ZMPSTE24: variants seen among roughly 807,000 people sequenced by gnomAD.
The protein encoded by ZMPSTE24 is zinc metallopeptidase STE24.
ZMPSTE24 carries 48 observed loss-of-function variants against 56.7 expected under a neutral mutation model. That is an observed-to-expected ratio of 0.85 (90% CI 0.67 to 1.08). ZMPSTE24 has a LOEUF of 1.08. ZMPSTE24 is among the 50% of genes least tolerant of loss of function. The pLI, the probability that ZMPSTE24 is intolerant of heterozygous loss-of-function variation, is 0.00. For missense variants in ZMPSTE24, 503 were observed against 548.7 expected, an observed-to-expected ratio of 0.92 and a Z score of 0.83; for synonymous variants, 172 against 195.2, an observed-to-expected ratio of 0.88 and a Z score of 0.99.
intron 1 of ZMPSTE24, among the ~76,000 whole-genome samples, chr1:40,258,822 G>A (rs1046181136): frequency 2.0e-5 from 3 of 151,940 alleles, no homozygotes; most frequent in Non-Finnish European, 4.4e-5. Flanking sequence ...TCTCCTTAAA[G>A]TGCATATATT....
At chr1:40,268,700 C>T (rs530018899) in intron 4 of ZMPSTE24, among the ~76,000 whole-genome samples, 165 bp downstream of exon 4, 4 of 152,192 alleles carry the variant, frequency 2.6e-5, no homozygotes, top group South Asian at 2.1e-4. Flanking sequence ...TTGGGGGCCG[C>T]GGTGGCTCTG....
intron 6 of ZMPSTE24, among the ~76,000 whole-genome samples, chr1:40,273,531 AAAAAAAAT>A (rs1643633530): frequency 1.6e-5 from 1 of 63,918 alleles, no homozygotes; most frequent in African/African-American, 9.1e-5. Flanking sequence ...AAAAAAAAAA[AAAAAAAAT>A]ATATATATAT....
intron 9 of ZMPSTE24, among the ~76,000 whole-genome samples, chr1:40,291,555 C>T (rs1014305128): frequency 6.6e-6 from 1 of 152,178 alleles, no homozygotes; most frequent in African/African-American, 2.4e-5. Flanking sequence ...TAATGTGAGA[C>T]TATATAACAA....
At chr1:40,288,337 G>A (rs549499120) in intron 8 of ZMPSTE24, among the ~76,000 whole-genome samples, 7 of 152,260 alleles carry the variant, frequency 4.6e-5, no homozygotes, top group Admixed American at 3.9e-4. Context: ...GATTAAATAA[G>A]TCCAGGTCCA....
chr1:40,259,261 A>G (rs1353157905), intron 1 of ZMPSTE24: 1 of 152,232 alleles, frequency 6.6e-6, no homozygotes, highest in African/African-American at 2.4e-5. Flanking sequence ...AAAAAGTGAA[A>G]GTTAACAATT....
intron 7 of ZMPSTE24, among the ~76,000 whole-genome samples, chr1:40,283,213 T>A (rs1643747515): frequency 6.6e-6 from 1 of 152,166 alleles, no homozygotes; most frequent in Non-Finnish European, 1.5e-5. Flanking sequence ...AGAAAGTTAA[T>A]CTGCTTATGG....
chr1:40,284,303 A>G (rs1320353012), intron 7 of ZMPSTE24, among the ~76,000 whole-genome samples: 2 of 151,512 alleles, frequency 1.3e-5, no homozygotes, highest in African/African-American at 4.9e-5. Flanking sequence ...AATTTACAGC[A>G]TTTCGTTACT....
chr1:40,266,677 TTCACAGAAAAGACAATTA>T (rs1310827617), intron 2 of ZMPSTE24, among the ~76,000 whole-genome samples: 18 of 152,184 alleles, frequency 1.2e-4, no homozygotes, highest in South Asian at 2.1e-4. Flanking sequence ...ACTATTTTCT[TTCACAGAAAAGACAATTA>T]TGGAGCCATA....
intron 6 of ZMPSTE24, among the ~76,000 whole-genome samples, chr1:40,276,098 G>A (rs955997354): frequency 5.3e-5 from 8 of 152,194 alleles, no homozygotes; most frequent in African/African-American, 1.9e-4. Flanking sequence ...CAAATGAGAA[G>A]CAGCCTCTTA....
intron 3 of ZMPSTE24, 75 bp from the exon 4 acceptor site, chr1:40,268,344 G>T: frequency 1.1e-6 from 1 of 952,328 alleles, no homozygotes; most frequent in East Asian, 2.4e-5. Flanking sequence ...TAGTAAGTAA[G>T]TGCTCAGCAA....
intron 1 of ZMPSTE24, among the ~76,000 whole-genome samples, chr1:40,260,031 A>G (rs377742087): frequency 6.9e-6 from 1 of 144,222 alleles, no homozygotes; most frequent in East Asian, 2.0e-4. Flanking sequence ...ATAATTTAGT[A>G]TAATGAGATA....
intron 2 of ZMPSTE24, chr1:40,262,990 A>G (rs752690335): frequency 8.0e-6 from 8 of 996,204 alleles, no homozygotes; most frequent in Non-Finnish European, 8.4e-6. Context: ...TGAGGTAGAC[A>G]CTATTCTCTT....
chr1:40,271,897 CTTGTCACAAT>C lies in ZMPSTE24; in HGVS notation c.632_641del (p.Leu211ProfsTer27). 1 of 1,613,380 alleles carries C rather than the reference CTTGTCACAAT, an allele frequency of 6.2e-7. No individual in the cohort carries two copies. Among genetic ancestry groups the C allele is most frequent in the Non-Finnish European group, 8.5e-7 (1 of 1,179,592 alleles). The stretch of plus-strand genomic sequence containing the variant: ...TATTCTGACATTTACTTTTCAGGTT[CTTGTCACAAT>C]CTATGCTGATTATATTGCCCCTTTA... On this transcript the variant is annotated frameshift_variant, in exon 6 of 10. Coordinates refer to ENST00000372759, the MANE Select transcript of ZMPSTE24 (RefSeq NM_005857.5). LOFTEE classifies it high-confidence loss of function.
chr1:40,262,920 A>G, intron 2 of ZMPSTE24: 1 of 1,049,874 alleles, frequency 9.5e-7, no homozygotes, highest in Non-Finnish European at 1.2e-6. Context: ...AATAGCTCCC[A>G]TATTTTCTTC....
chr1:40,273,758 T>C lies in ZMPSTE24; in HGVS notation c.769+1723T>C, dbSNP rs79051794. ...TTAATCATTAATCAGTACAACAGAA[T>C]AGTCTCTAAGCTGCTTTTACTGAAG... On this transcript the variant is annotated intron_variant, in intron 6 of 9. Transcript: ENST00000372759. Among the ~76,000 whole-genome samples the C allele has an allele frequency of 2.4e-4, 37 of 151,056 alleles. No individual in the cohort carries two copies. In the East Asian group the frequency reaches 7.2e-3, roughly 29 times the overall value.
chr1:40,279,471 T>C, intron 6 of ZMPSTE24, among the ~76,000 whole-genome samples: 1 of 152,286 alleles, frequency 6.6e-6, no homozygotes, highest in Admixed American at 6.5e-5. Flanking sequence ...ATACGTTTGC[T>C]TATTTCTGTA....
chr1:40,260,849 A>G lies in ZMPSTE24; in HGVS notation c.134A>G (p.Tyr45Cys), dbSNP rs1015854218. ...TFLAQRQRRI[Y>C]KTTTHVPPEL... ...TTTAAAATATTTCAGAGAAGGATAT[A>G]TAAAACAACAACTCATGTACCACCG... The change falls in exon 2 of 10, where the codon TAT becomes TGT. Residue 45 changes from tyrosine to cysteine, a missense_variant. Tyr to Cys is a radical substitution (Grantham distance 194). Transcript: ENST00000372759. 10 of 1,613,850 alleles carry G rather than the reference A, an allele frequency of 6.2e-6. No individual in the cohort carries two copies. In the Admixed American group the frequency reaches 6.7e-5, roughly 11 times the overall value.
At chr1:40,286,340 A>G (rs1643786677) in intron 8 of ZMPSTE24, among the ~76,000 whole-genome samples, 1 of 152,208 alleles carries the variant, frequency 6.6e-6, no homozygotes, top group South Asian at 2.1e-4. Flanking sequence ...CACCACCATC[A>G]TCACCTCCAG....
At chr1:40,268,023 T>C (rs1643573144) in intron 3 of ZMPSTE24, 151 bp downstream of exon 3, 1 of 710,522 alleles carries the variant, frequency 1.4e-6, no homozygotes, top group Admixed American at 2.2e-5. Context: ...GGCATAACAT[T>C]AGTTACAATA....
Sources: gnomAD v4.1 joint callset for allele counts (sites outside exome capture counted in the v4.1 genomes callset) on GRCh38, gnomAD v4.1.1 for gene constraint, MANE v1.5 for transcripts, NCBI Gene and HGNC (gene_info 2026-07-23, HGNC 2026-07-21) for gene names.